The following TCERG1L variants were observed in gnomAD, a reference collection of about 807,000 sequenced individuals.
The protein encoded by TCERG1L is transcription elongation regulator 1 like, also known as transcription elongation regulator 1-like protein.
In TCERG1L, 37 loss-of-function variants were observed where a neutral mutation model predicts 56.3. The observed-to-expected ratio is 0.66, with a 90% CI of 0.51 to 0.87. TCERG1L has a LOEUF of 0.87. Among genes scored for constraint, TCERG1L ranks in the 40% least tolerant of loss-of-function variants. The pLI is 0.00. For synonymous variants in TCERG1L, 324 were observed against 326.3 expected (o/e 0.99, Z 0.08); for missense variants, 799 against 774.2 (o/e 1.03, Z -0.38).
intron 3 of TCERG1L, among the ~76,000 whole-genome samples, chr10:131,272,250 G>T (rs1846347504): frequency 6.6e-6 from 1 of 152,242 alleles, no homozygotes; most frequent in South Asian, 2.1e-4. Context: ...GCTCCTTGTG[G>T]AAGACCAGCG....
At chr10:131,169,841 C>T (rs549296800) in intron 4 of TCERG1L, among the ~76,000 whole-genome samples, 1 of 152,260 alleles carries the variant, frequency 6.6e-6, no homozygotes, top group Middle Eastern at 3.4e-3. Flanking sequence ...GGCCGTAAGC[C>T]CATAATACTG....
In TCERG1L at chr10:131,311,451, A is replaced by C; in HGVS notation, c.185T>G (p.Leu62Arg). Residue 62 changes from leucine (L) to arginine (R), a missense_variant, in exon 1 of 12, where the codon CTG (leucine) becomes CGG (arginine). Coordinates refer to ENST00000368642, the MANE Select transcript of TCERG1L (RefSeq NM_174937.4). This position sits in a 1 kb window ranked among gnomAD's most constrained non-coding sequence, Gnocchi z 4.0. ...LSAGVVVPPVLLASAPPPAAP... is the reference protein window; with the variant it reads ...LSAGVVVPPVRLASAPPPAAP... ...CGCGGGCGGCGGGGCCGAGGCGAGC[A>C]GCACCGGGGGAACCACGACCCCCGC... The C allele has an allele frequency of 3.4e-6, 4 of 1,176,208 alleles. No homozygotes were observed. Among genetic ancestry groups the C allele is most frequent in the South Asian group, 8.3e-5 (2 of 24,178 alleles). 72.9% of individuals were successfully genotyped at this position (1,176,208 alleles called of 1,614,324 possible).
At chr10:131,290,629 CTCA>C (rs1327491126) in intron 3 of TCERG1L, among the ~76,000 whole-genome samples, 2 of 53,322 alleles carry the variant, frequency 3.8e-5, no homozygotes, top group African/African-American at 1.1e-4. Context: ...GAAACCCCAT[CTCA>C]AAAAAAAAAA....
intron 4 of TCERG1L, among the ~76,000 whole-genome samples, chr10:131,167,667 G>A (rs997544331): frequency 1.3e-5 from 2 of 152,218 alleles, no homozygotes; most frequent in Non-Finnish European, 2.9e-5. Context: ...GGACAGGAGG[G>A]GCTATGTGCA....
intron 4 of TCERG1L, among the ~76,000 whole-genome samples, chr10:131,220,215 T>C (rs1320015989): frequency 1.3e-5 from 2 of 152,172 alleles, no homozygotes; most frequent in African/African-American, 4.8e-5. Flanking sequence ...TCGGGCCTAT[T>C]GCCCCCAACA....
intron 4 of TCERG1L, among the ~76,000 whole-genome samples, chr10:131,180,095 G>A (rs188595118): frequency 2.6e-5 from 4 of 152,332 alleles, no homozygotes; most frequent in African/African-American, 9.6e-5. Context: ...CAACCTGCTC[G>A]ACAAGGGACT....
chr10:131,235,556 A>G (rs1257313609), intron 4 of TCERG1L, among the ~76,000 whole-genome samples: 1 of 152,074 alleles, frequency 6.6e-6, no homozygotes, highest in Non-Finnish European at 1.5e-5. Context: ...TAATTTAGTA[A>G]AGCATGACAG....
At chr10:131,165,499 T>C (rs960991745) in intron 5 of TCERG1L, among the ~76,000 whole-genome samples, 3 of 152,212 alleles carry the variant, frequency 2.0e-5, no homozygotes, top group Admixed American at 2.0e-4. Context: ...TCTTTGTTTC[T>C]TGTGAGAAAA....
intron 6 of TCERG1L, among the ~76,000 whole-genome samples, chr10:131,151,594 T>A (rs942848180): frequency 6.6e-6 from 1 of 152,156 alleles, no homozygotes; most frequent in African/African-American, 2.4e-5. Context: ...TGTTGAGTGA[T>A]GGTGGCTTTT....
intron 8 of TCERG1L, among the ~76,000 whole-genome samples, chr10:131,120,893 C>T (rs1845506003): frequency 6.6e-6 from 1 of 152,194 alleles, no homozygotes; most frequent in African/African-American, 2.4e-5. Context: ...CCATACTGGG[C>T]ACAGCGGGGC....
At chr10:131,170,459 T>C (rs1846078054) in intron 4 of TCERG1L, among the ~76,000 whole-genome samples, 1 of 150,722 alleles carries the variant, frequency 6.6e-6, no homozygotes, top group Admixed American at 6.6e-5. Flanking sequence ...GGCACGGCGG[T>C]AATACCTTTC....
intron 4 of TCERG1L, among the ~76,000 whole-genome samples, chr10:131,255,426 A>G (rs765699411): frequency 5.9e-5 from 9 of 152,388 alleles, no homozygotes; most frequent in African/African-American, 1.9e-4. Flanking sequence ...TGGTAAACAT[A>G]TATTTTTAAA....
At chr10:131,128,020 G>GA (rs1397169090) in intron 8 of TCERG1L, among the ~76,000 whole-genome samples, 3 of 151,548 alleles carry the variant, frequency 2.0e-5, no homozygotes, top group African/African-American at 7.3e-5. Flanking sequence ...AATAGTAAAA[G>GA]AAAAAAATAG....
At chr10:131,104,600 G>A (rs955911026) in intron 9 of TCERG1L, among the ~76,000 whole-genome samples, 1 of 152,132 alleles carries the variant, frequency 6.6e-6, no homozygotes. Flanking sequence ...TTTCAGGGGT[G>A]TGTCCCCCGA....
intron 4 of TCERG1L, among the ~76,000 whole-genome samples, chr10:131,259,232 G>A (rs147189076): frequency 7.6e-4 from 115 of 152,278 alleles, no homozygotes; most frequent in African/African-American, 2.6e-3. Context: ...GAACTAGGCT[G>A]TTTGTCTTTC....
rs1846837194 is a variant in TCERG1L at position 131,308,319 on chromosome 10, G to T, written c.562C>A (p.His188Asn). 1 of 1,613,946 alleles carries T rather than the reference G, an allele frequency of 6.2e-7. No homozygotes were observed. Among genetic ancestry groups the T allele is most frequent in the Admixed American group, 1.7e-5 (1 of 60,016 alleles). The change falls in exon 3 of 12, where the codon CAT becomes AAT. Residue 188 changes from histidine to asparagine, a missense_variant. Coordinates refer to ENST00000368642, the MANE Select transcript of TCERG1L (RefSeq NM_174937.4). ...HPEESRFFHG[H>N]EKPRLLANQV... ...TTTGCCAGCAAACGAGGCTTTTCATGCCCATGGAAAAACCTTGACTCCTCA... is the reference window on the plus strand; with the variant it reads ...TTTGCCAGCAAACGAGGCTTTTCATTCCCATGGAAAAACCTTGACTCCTCA...
At chr10:131,237,650 G>C (rs377142216) in intron 4 of TCERG1L, among the ~76,000 whole-genome samples, 1 of 152,160 alleles carries the variant, frequency 6.6e-6, no homozygotes, top group South Asian at 2.1e-4. Flanking sequence ...AAAGGAAGAC[G>C]TTCCTAGGAG....
intron 8 of TCERG1L, among the ~76,000 whole-genome samples, chr10:131,120,826 C>A (rs2133393404): frequency 6.6e-6 from 1 of 152,308 alleles, no homozygotes; most frequent in East Asian, 1.9e-4. Flanking sequence ...CGGAGCGACC[C>A]CTCCTGCTCC....
intron 4 of TCERG1L, among the ~76,000 whole-genome samples, chr10:131,223,130 G>A (rs1845752863): frequency 6.6e-6 from 1 of 152,196 alleles, no homozygotes; most frequent in South Asian, 2.1e-4. Context: ...AGTGAGCAGA[G>A]GCTAAACCCG....
Sources: allele counts gnomAD v4.1 joint callset (sites outside exome capture counted in the v4.1 genomes callset), GRCh38; gene constraint gnomAD v4.1.1; non-coding constraint Gnocchi (gnomAD v3.1); transcripts MANE v1.5; gene names NCBI Gene and HGNC (gene_info 2026-07-23, HGNC 2026-07-21).